The following FBXL3 variants were observed in gnomAD, a reference collection of about 807,000 sequenced individuals.
FBXL3 encodes the protein F-box/LRR-repeat protein 3.
In FBXL3, 14 loss-of-function variants were observed where a neutral mutation model predicts 37.9. That is an observed-to-expected ratio of 0.37 (90% confidence interval 0.24 to 0.58). The LOEUF (loss-of-function observed/expected upper bound fraction) is 0.58, where lower values mean the gene tolerates loss of function less well. FBXL3 is among the 20% of genes least tolerant of loss of function. The pLI, the probability that FBXL3 is intolerant of heterozygous loss-of-function variation, is 0.74. For synonymous variants in FBXL3, 194 were observed against 180.1 expected, an observed-to-expected ratio of 1.08 and a Z score of -0.62; for missense variants, 327 against 511.1, an observed-to-expected ratio of 0.64 and a Z score of 3.47.
At chr13:77,015,966 A>G (rs2034635413) in intron 3 of FBXL3, 1 of 153,648 alleles carries the variant, frequency 6.5e-6, no homozygotes, top group South Asian at 2.1e-4. Flanking sequence ...TCTGTTTGAT[A>G]GTTATGACCA....
chr13:77,017,065 TTTC>T (rs2154037137), intron 3 of FBXL3: 1 of 89,170 alleles, frequency 1.1e-5, no homozygotes, highest in East Asian at 2.2e-4. Flanking sequence ...GACAAAAACA[TTTC>T]TTCTATGTTC....
At position 77,026,781 on chromosome 13, in the gene FBXL3, G is replaced by C. The variant is rs1438247760; in HGVS notation, c.-2+46C>G. ...CACAGACGGTCCGCGGTCCCTCCCC[G>C]GCTCCGCCGTCGCAGCGGGGCTCGG... On this transcript the variant is annotated intron_variant, in intron 1 of 4. Coordinates refer to ENST00000355619, the MANE Select transcript of FBXL3 (RefSeq NM_012158.4). 3 of 114,630 alleles carry C rather than the reference G, an allele frequency of 2.6e-5. No individual in the cohort carries two copies. In the East Asian group the frequency reaches 8.4e-4, roughly 32 times the overall value. 7.1% of individuals were successfully genotyped at this position (114,630 alleles called of 1,614,324 possible).
chr13:77,007,130 T>C lies in FBXL3; in HGVS notation c.*15A>G. 1 of 1,581,148 alleles carries C rather than the reference T, an allele frequency of 6.3e-7. No individual in the cohort carries two copies. The highest frequency in any genetic ancestry group is 8.6e-7 in the Non-Finnish European group (1 of 1,162,484). ...ACATTTGCTTGAAATTAAGGTGCTA[T>C]TCATCATGCAGTTTTTACCAAGTGG... is the stretch of plus-strand genomic sequence containing the variant. On this transcript the variant is annotated 3_prime_UTR_variant, in exon 5 of 5. Transcript: ENST00000355619.
chr13:77,005,537 G>T lies in FBXL3; in HGVS notation c.*1608C>A, dbSNP rs1771250015. ...TACAATCAGAGCTTTTTACTATTTA[G>T]AAGGAGGGGATATATTACTATAATT... On this transcript the variant is annotated 3_prime_UTR_variant, in exon 5 of 5. Transcript: ENST00000355619. 1 of 152,524 alleles carries T rather than the reference G, an allele frequency of 6.6e-6. No homozygotes were observed. Among genetic ancestry groups the T allele is most frequent in the Non-Finnish European group, 1.5e-5 (1 of 67,978 alleles). 9.4% of individuals were successfully genotyped at this position (152,524 alleles called of 1,614,324 possible).
rs2034748601 is a variant in FBXL3 at position 77,021,778 on chromosome 13, T to C, written c.83A>G (p.Asn28Ser). 6.2e-7 allele frequency: 1 copy of C among 1,613,724 alleles called. No homozygotes were observed. The highest frequency in any genetic ancestry group is 1.1e-5 in the South Asian group (1 of 91,086). The change falls in exon 2 of 5, where the codon AAT becomes AGT. Residue 28 changes from asparagine (N) to serine (S), a missense_variant. Transcript: ENST00000355619. Reference sequence around the variant, plus strand: ...CCAATCACAAGTCTGAGAATGCTCATTTGTAGTCCTCAGTTTCTTGGATTT... The same window carrying C: ...CCAATCACAAGTCTGAGAATGCTCACTTGTAGTCCTCAGTTTCTTGGATTT... ...AEKSKKLRTT[N>S]EHSQTCDWGN...
intron 4 of FBXL3, chr13:77,013,311 A>G (rs2034587173): frequency 6.6e-6 from 1 of 152,160 alleles, no homozygotes; most frequent in Non-Finnish European, 1.5e-5. Context: ...CGTTTCACAA[A>G]AAGACCCCTC....
intron 1 of FBXL3, among the ~76,000 whole-genome samples, chr13:77,022,241 A>G (rs2034758011): frequency 6.6e-6 from 1 of 152,226 alleles, no homozygotes. Flanking sequence ...AGGTTTCTTA[A>G]AAGTCATCTA....
Position 77,021,831 on chromosome 13 carries a change from A to G in FBXL3, c.30T>C (p.Arg10=). MKRGGRDSD[R]NSSEEGTAEK... ...CTGCAGTTCCTTCTTCTGATGAATT[A>G]CGGTCACTATCTCTTCCTCCTCGTT... The change falls in exon 2 of 5, where the codon CGT becomes CGC. Residue 10 remains arginine, a synonymous_variant. Transcript: ENST00000355619. 6.2e-7 allele frequency: 1 copy of G among 1,612,732 alleles called. No homozygotes were observed.
chr13:77,018,422 A>T (rs1184244477), intron 3 of FBXL3, 178 bp downstream of exon 3: 57 of 3,938 alleles, frequency 0.014, no homozygotes, highest in African/African-American at 0.11. Flanking sequence ...ATGGTGATTT[A>T]AAAAAAAAAA....
intron 1 of FBXL3, among the ~76,000 whole-genome samples, chr13:77,025,149 C>G (rs1166246645): frequency 6.6e-6 from 1 of 152,142 alleles, no homozygotes; most frequent in African/African-American, 2.4e-5. Flanking sequence ...GTGAAAACAC[C>G]TCCTATATTT....
intron 1 of FBXL3, 23 bp downstream of exon 1, chr13:77,026,804 C>G (rs911811718): frequency 6.7e-6 from 1 of 149,326 alleles, no homozygotes; most frequent in Non-Finnish European, 1.5e-5. Context: ...CAGCGGGGCT[C>G]GGCCCTGCCC....
chr13:77,025,907 T>C (rs904572566), intron 1 of FBXL3, among the ~76,000 whole-genome samples: 2 of 152,154 alleles, frequency 1.3e-5, no homozygotes, highest in African/African-American at 2.4e-5. Flanking sequence ...TATGCATTCT[T>C]TGGCTGAACT....
chr13:77,012,302 AC>A (rs2034568740), intron 4 of FBXL3, among the ~76,000 whole-genome samples: 1 of 109,820 alleles, frequency 9.1e-6, no homozygotes, highest in Non-Finnish European at 2.3e-5. Flanking sequence ...ATAAATTCAT[AC>A]AACTCATTTG....
chr13:77,018,510 C>T (rs2034684692), intron 3 of FBXL3, 90 bp downstream of exon 3: 2 of 1,033,208 alleles, frequency 1.9e-6, no homozygotes, highest in Non-Finnish European at 2.6e-6. Flanking sequence ...ATATAACTTT[C>T]CTTATACTCA....
intron 1 of FBXL3, among the ~76,000 whole-genome samples, chr13:77,022,189 C>T (rs1171490444): frequency 6.6e-6 from 1 of 152,100 alleles, no homozygotes; most frequent in African/African-American, 2.4e-5. Context: ...GTCAACTTAA[C>T]TAAAATGAAT....
chr13:77,017,245 T>A (rs2154037167), intron 3 of FBXL3: 1 of 152,244 alleles, frequency 6.6e-6, no homozygotes, highest in South Asian at 2.1e-4. Context: ...GTTCCCAAAT[T>A]AGTACTAGAT....
At chr13:77,018,505 A>T (rs2034684652) in intron 3 of FBXL3, 95 bp downstream of exon 3, 1 of 962,020 alleles carries the variant, frequency 1.0e-6, no homozygotes, top group African/African-American at 1.7e-5. Flanking sequence ...TATATATATA[A>T]CTTTCCTTAT....
At chr13:77,009,204 GAA>G (rs1410670666) in intron 4 of FBXL3, 1 of 152,234 alleles carries the variant, frequency 6.6e-6, no homozygotes, top group Non-Finnish European at 1.5e-5. Flanking sequence ...ATAACAGTGG[GAA>G]AAGATAGGCA....
chr13:77,012,360 T>C (rs1257923543), intron 4 of FBXL3, among the ~76,000 whole-genome samples: 1 of 152,070 alleles, frequency 6.6e-6, no homozygotes, highest in African/African-American at 2.4e-5. Context: ...GTCCTAGGAC[T>C]TCCACTTCTT....
Sources: allele counts gnomAD v4.1 joint callset (sites outside exome capture counted in the v4.1 genomes callset), GRCh38; gene constraint gnomAD v4.1.1; transcripts MANE v1.5; gene names NCBI Gene and HGNC (gene_info 2026-07-23, HGNC 2026-07-21).